The following ITGA4 variants were observed in gnomAD, a reference collection of about 807,000 sequenced individuals.
ITGA4 encodes integrin alpha-4.
In ITGA4, 63 loss-of-function variants were observed where a neutral mutation model predicts 133.6. The observed-to-expected ratio is 0.47, with a 90% CI of 0.38 to 0.58. The LOEUF (loss-of-function observed/expected upper bound fraction) is 0.58. Among genes scored for constraint, ITGA4 ranks in the 20% least tolerant of loss-of-function variants. The probability of loss-of-function intolerance (pLI) is 0.00; values close to 1 mark genes in which losing one functional copy is unlikely to be tolerated. For missense variants in ITGA4, 1,076 were observed against 1,252.7 expected (o/e 0.86, Z 2.13); for synonymous variants, 483 against 438.0 (o/e 1.10, Z -1.28).
In ITGA4 at chr2:181,538,239, T is replaced by C. The variant is rs755313231; in HGVS notation, c.*2712T>C. ...TCCATAAAGACTGATAAGTCTTGGA[T>C]GCAATCTGTAAAGAAAATACATTAT... is the stretch of plus-strand genomic sequence containing the variant. On this transcript the variant is annotated 3_prime_UTR_variant, in exon 28 of 28. Coordinates refer to ENST00000397033, the MANE Select transcript of ITGA4 (RefSeq NM_000885.6). 6.4e-7 allele frequency: 1 copy of C among 1,573,286 alleles called. No individual in the cohort carries two copies. The highest frequency in any genetic ancestry group is 1.1e-5 in the South Asian group (1 of 90,166).
chr2:181,497,034 C>T (rs1462068344), intron 14 of ITGA4, among the ~76,000 whole-genome samples: 1 of 152,168 alleles, frequency 6.6e-6, no homozygotes, highest in Non-Finnish European at 1.5e-5. Flanking sequence ...CTGGAAAAGT[C>T]ATGGCCAGAG....
chr2:181,480,160 A>G lies in ITGA4; in HGVS notation c.648A>G (p.Pro216=). ...AGGATTTAATTGTGATGGGGGCCCCAGGATCATCTTACTGGACTGGCTCTC... is the reference window on the plus strand; with the variant it reads ...AGGATTTAATTGTGATGGGGGCCCCGGGATCATCTTACTGGACTGGCTCTC... ...YTKDLIVMGA[P]GSSYWTGSLF... is the part of the protein sequence containing the mutation. Residue 216 remains proline (P), a synonymous_variant, in exon 6 of 28, where the codon CCA becomes CCG. Coordinates refer to ENST00000397033, the MANE Select transcript of ITGA4 (RefSeq NM_000885.6). 1 of 1,555,232 alleles carries G rather than the reference A, an allele frequency of 6.4e-7. No individual in the cohort carries two copies. Among genetic ancestry groups the G allele is most frequent in the African/African-American group, 1.4e-5 (1 of 71,396 alleles).
Position 181,457,641 on chromosome 2 carries a change from C to G in ITGA4, c.-14C>G, listed in dbSNP as rs145497508. The G allele has an allele frequency of 1.6e-4, 254 of 1,604,792 alleles. 2 individuals carry two copies. In the East Asian group the frequency reaches 5.6e-3, roughly 36 times the overall value. Reference sequence around the variant, plus strand: ...AGTGGCCGTTTAGTGTTGAATGTTCCCCACCGAGAGCGCATGGCTTGGGAA... The same window carrying G: ...AGTGGCCGTTTAGTGTTGAATGTTCGCCACCGAGAGCGCATGGCTTGGGAA... On this transcript the variant is annotated 5_prime_UTR_variant, in exon 1 of 28. Transcript: ENST00000397033.
In ITGA4 at chr2:181,461,037, A is replaced by G. The variant is rs565362211; in HGVS notation, c.319+2720A>G. Among the ~76,000 whole-genome samples, 7 of 151,798 alleles carry G rather than the reference A, an allele frequency of 4.6e-5. No homozygotes were observed. In the South Asian group the frequency reaches 6.3e-4, roughly 14 times the overall value. On this transcript the variant is annotated intron_variant, in intron 2 of 27. Transcript: ENST00000397033. ...CTCCCACACAATTAAAAATATCCACATGGACTAGTCTTTGAGTCTCTGTAG... is the reference window on the plus strand; with the variant it reads ...CTCCCACACAATTAAAAATATCCACGTGGACTAGTCTTTGAGTCTCTGTAG...
intron 25 of ITGA4, among the ~76,000 whole-genome samples, chr2:181,532,863 A>ATATGGTTTGTCATAAATAGCTCT (rs1373443038): frequency 5.9e-5 from 9 of 152,238 alleles, no homozygotes; most frequent in African/African-American, 2.2e-4. Flanking sequence ...ATTCAGTATG[A>ATATGGTTTGTCATAAATAGCTCT]TATTGGCTAT....
Position 181,496,078 on chromosome 2 carries a change from T to G in ITGA4, c.1540+141T>G, listed in dbSNP as rs1189551100. 2.2e-5 allele frequency: 17 copies of G among 773,764 alleles called. No homozygotes were observed. In the South Asian group the frequency reaches 2.8e-4, roughly 13 times the overall value. 47.9% of individuals were successfully genotyped at this position (773,764 alleles called of 1,614,324 possible). A position where few individuals can be genotyped will look rare whatever the true frequency, so the allele number is the denominator to read the frequency against. ...AGAGAAGCTACCTGATGCATGCTTT[T>G]CCTCTCCATCTTCCAGATTCTTGCG... is the stretch of plus-strand genomic sequence containing the variant. On this transcript the variant is annotated intron_variant, in intron 14 of 27. Coordinates refer to ENST00000397033, the MANE Select transcript of ITGA4 (RefSeq NM_000885.6).
intron 16 of ITGA4, among the ~76,000 whole-genome samples, chr2:181,510,470 G>A (rs1011012982): frequency 2.0e-5 from 3 of 151,980 alleles, no homozygotes; most frequent in Non-Finnish European, 4.4e-5. Context: ...TCAACACAAA[G>A]ACATAGGGTT....
intron 21 of ITGA4, among the ~76,000 whole-genome samples, chr2:181,526,407 C>T (rs1686830790): frequency 6.6e-6 from 1 of 152,152 alleles, no homozygotes; most frequent in South Asian, 2.1e-4. Context: ...CAAATGTGAG[C>T]ACCTTATGGA....
At position 181,496,103 on chromosome 2, in the gene ITGA4, G is replaced by A. The variant is rs151245986; in HGVS notation, c.1540+166G>A. Among the ~76,000 whole-genome samples, 100 of 152,262 alleles carry A rather than the reference G, an allele frequency of 6.6e-4. No homozygotes were observed. In the East Asian group the frequency reaches 0.011, roughly 16 times the overall value. ...TCCTCTCCATCTTCCAGATTCTTGC[G>A]TTGTTCTAACCAATGAGTTGGGCAC... On this transcript the variant is annotated intron_variant, in intron 14 of 27. Transcript: ENST00000397033.
At position 181,537,231 on chromosome 2, in the gene ITGA4, G is replaced by GTCTC; in HGVS notation, c.*1706_*1709dup. 1 of 453,042 alleles carries GTCTC rather than the reference G, an allele frequency of 2.2e-6. No homozygotes were observed. Among genetic ancestry groups the GTCTC allele is most frequent in the Non-Finnish European group, 4.4e-6 (1 of 226,016 alleles). 28.1% of individuals were successfully genotyped at this position (453,042 alleles called of 1,614,324 possible). ...ATTTAGAACTGTCTTCTCCAGGATG[G>GTCTC]TCTCTAAGGAAATTTACATTTGGTT... On this transcript the variant is annotated 3_prime_UTR_variant, in exon 28 of 28. Coordinates refer to ENST00000397033, the MANE Select transcript of ITGA4 (RefSeq NM_000885.6).
chr2:181,506,558 T>C (rs770440418), intron 15 of ITGA4, among the ~76,000 whole-genome samples: 2 of 152,102 alleles, frequency 1.3e-5, no homozygotes, highest in Non-Finnish European at 2.9e-5. Flanking sequence ...GATAATGTTG[T>C]AAATGAAAAG....
At position 181,536,758 on chromosome 2, in the gene ITGA4, CTTTA is replaced by C. The variant is rs1559061996; in HGVS notation, c.*1232_*1235del. The C allele has an allele frequency of 4.1e-6, 1 of 244,666 alleles. No homozygotes were observed. The highest frequency in any genetic ancestry group is 2.3e-5 in the African/African-American group (1 of 43,376). The allele number at this position is 244,666 out of a possible 1,614,324, so 15.2% of individuals were successfully genotyped here. On this transcript the variant is annotated 3_prime_UTR_variant, in exon 28 of 28. Coordinates refer to ENST00000397033, the MANE Select transcript of ITGA4 (RefSeq NM_000885.6). Reference sequence around the variant, plus strand: ...TGACTTTCTGGATTTTAAAAAATTTCTTTAAATACAATCATTTTTGTAATATTTA... The same window carrying C: ...TGACTTTCTGGATTTTAAAAAATTTCAATACAATCATTTTTGTAATATTTA...
At chr2:181,529,419 A>G (rs1158408703) in intron 22 of ITGA4, 122 bp from the exon 23 acceptor site, 1 of 465,076 alleles carries the variant, frequency 2.2e-6, no homozygotes. Context: ...GCTGCCAACC[A>G]TAAACCTCCA....
chr2:181,465,767 G>A (rs1685396368), intron 2 of ITGA4, among the ~76,000 whole-genome samples: 1 of 152,090 alleles, frequency 6.6e-6, no homozygotes, highest in African/African-American at 2.4e-5. Context: ...CTAATTGTCT[G>A]GCAGCATCAG....
Position 181,458,190 on chromosome 2 carries a change from C to CT in ITGA4, c.198-3dup. The CT allele has an allele frequency of 6.2e-7, 1 of 1,614,070 alleles. No individual in the cohort carries two copies. On this transcript the variant is annotated splice_polypyrimidine_tract_variant and splice_region_variant and intron_variant, in intron 1 of 27. Transcript: ENST00000397033. ...TCTGAGCGCACGTGCACGTGTCTCG[C>CT]TTTAGGCTCCTAGTGGGTGCGCCCA... is the stretch of plus-strand genomic sequence containing the variant.
At chr2:181,532,036 A>G (rs1686955842) in intron 25 of ITGA4, among the ~76,000 whole-genome samples, 1 of 152,210 alleles carries the variant, frequency 6.6e-6, no homozygotes, top group Non-Finnish European at 1.5e-5. Flanking sequence ...GCACTTTGGG[A>G]GGCCAAGGCA....
rs952325585 is a variant in ITGA4 at position 181,495,159 on chromosome 2, G to A, written c.1340-212G>A. Among the ~76,000 whole-genome samples the A allele has an allele frequency of 6.6e-6, 1 of 152,194 alleles. No homozygotes were observed. Among genetic ancestry groups the A allele is most frequent in the Non-Finnish European group, 1.5e-5 (1 of 68,040 alleles). ...TTAGTAAACTTGTTTTTGTCATAAAGTTTATGATATATCATAATGGGATGA... is the reference window on the plus strand; with the variant it reads ...TTAGTAAACTTGTTTTTGTCATAAAATTTATGATATATCATAATGGGATGA... On this transcript the variant is annotated intron_variant, in intron 12 of 27. Coordinates refer to ENST00000397033, the MANE Select transcript of ITGA4 (RefSeq NM_000885.6). This position sits in a 1 kb window ranked among gnomAD's most constrained non-coding sequence, Gnocchi z 4.3.
intron 15 of ITGA4, among the ~76,000 whole-genome samples, chr2:181,502,157 G>T (rs1011590342): frequency 6.6e-5 from 10 of 152,076 alleles, no homozygotes; most frequent in Non-Finnish European, 1.5e-4. Context: ...TAAGATGAGG[G>T]CTGAAAACTC....
At chr2:181,467,124 T>C (rs1424255717) in intron 2 of ITGA4, among the ~76,000 whole-genome samples, 1 of 152,118 alleles carries the variant, frequency 6.6e-6, no homozygotes, top group East Asian at 1.9e-4. Context: ...AAATATGGAA[T>C]TGGAACAAGG....
Sources: allele counts gnomAD v4.1 joint callset (sites outside exome capture counted in the v4.1 genomes callset), GRCh38; gene constraint gnomAD v4.1.1; non-coding constraint Gnocchi (gnomAD v3.1); transcripts MANE v1.5; gene names NCBI Gene and HGNC (gene_info 2026-07-23, HGNC 2026-07-21).